The following DCBLD1 variants were observed in gnomAD, a reference collection of about 807,000 sequenced individuals.
DCBLD1 encodes the protein discoidin, CUB and LCCL domain containing 1.
In DCBLD1, 57 loss-of-function variants were observed where a neutral mutation model predicts 71.5. The observed-to-expected ratio is 0.80, with a 90% CI of 0.64 to 0.99. The LOEUF is 0.99. Among genes scored for constraint, DCBLD1 ranks in the 50% least tolerant of loss-of-function variants. The probability of loss-of-function intolerance (pLI) is 0.00; values close to 1 mark genes in which losing one functional copy is unlikely to be tolerated. For synonymous variants in DCBLD1, 380 were observed against 363.8 expected (o/e 1.04, Z -0.51); for missense variants, 891 against 923.5 (o/e 0.96, Z 0.46).
rs1034131574 is a variant in DCBLD1 at position 117,549,316 on chromosome 6, A to G, written c.*877A>G. On this transcript the variant is annotated 3_prime_UTR_variant, in exon 15 of 15. Transcript: ENST00000338728. ...CGTGACTTCCGCTGTCCTCTGAAAA[A>G]CAAAGTTATTTGGAACATGTTCATG... 2.9e-5 allele frequency: 29 copies of G among 985,276 alleles called. No individual in the cohort carries two copies. The African/African-American group carries it at 4.5e-4, about 15-fold the overall frequency. 61.0% of individuals were successfully genotyped at this position (985,276 alleles called of 1,614,324 possible).
chr6:117,491,884 G>A (rs572688284), intron 1 of DCBLD1, among the ~76,000 whole-genome samples: 1 of 152,252 alleles, frequency 6.6e-6, no homozygotes, highest in Non-Finnish European at 1.5e-5. Flanking sequence ...CTGTATTTCT[G>A]TATAAGCCCG....
At chr6:117,504,323 G>A (rs193016170) in intron 2 of DCBLD1, among the ~76,000 whole-genome samples, 208 of 152,270 alleles carry the variant, frequency 1.4e-3, no homozygotes, top group South Asian at 1.9e-3. Context: ...CATGTTTCAG[G>A]TACTCTGTCA....
At chr6:117,494,534 A>T (rs918764782) in intron 1 of DCBLD1, among the ~76,000 whole-genome samples, 2 of 152,134 alleles carry the variant, frequency 1.3e-5, no homozygotes, top group African/African-American at 4.8e-5. Context: ...TATTCTAAGC[A>T]TCTATTCAAC....
intron 1 of DCBLD1, among the ~76,000 whole-genome samples, chr6:117,487,947 T>A (rs1469570129): frequency 6.6e-6 from 1 of 152,218 alleles, no homozygotes; most frequent in Non-Finnish European, 1.5e-5. Flanking sequence ...AGACTTAGTT[T>A]ATGGGAAAAA....
chr6:117,538,534 A>G, intron 7 of DCBLD1, 86 bp from the exon 8 acceptor site: 1 of 1,250,828 alleles, frequency 8.0e-7, no homozygotes, highest in Non-Finnish European at 1.1e-6. Context: ...CTAGTTGAAT[A>G]TTTCTAGGTG....
At chr6:117,482,948 A>T in intron 1 of DCBLD1, 55 bp downstream of exon 1, 1 of 1,123,418 alleles carries the variant, frequency 8.9e-7, no homozygotes. Flanking sequence ...GGGCGGGCTG[A>T]GGGCTGCGGG....
At chr6:117,538,084 A>T (rs1433371838) in intron 7 of DCBLD1, among the ~76,000 whole-genome samples, 1 of 152,256 alleles carries the variant, frequency 6.6e-6, no homozygotes, top group Admixed American at 6.5e-5. Context: ...CAAGGAAAAC[A>T]CTACAAATAT....
At chr6:117,488,877 C>G (rs1216536802) in intron 1 of DCBLD1, among the ~76,000 whole-genome samples, 1 of 151,832 alleles carries the variant, frequency 6.6e-6, no homozygotes, top group Non-Finnish European at 1.5e-5. Flanking sequence ...TTTGTGACAT[C>G]AGCACTGTGT....
intron 14 of DCBLD1, among the ~76,000 whole-genome samples, chr6:117,566,445 A>C (rs1456566333): frequency 1.3e-5 from 2 of 152,208 alleles, no homozygotes; most frequent in Non-Finnish European, 2.9e-5. Flanking sequence ...TAGCAATCAT[A>C]AGGTGACAGT....
intron 12 of DCBLD1, 63 bp downstream of exon 12, chr6:117,543,274 G>C: frequency 5.6e-6 from 8 of 1,437,910 alleles, no homozygotes; most frequent in Non-Finnish European, 7.8e-6. Flanking sequence ...AAACCAAAAA[G>C]TTTATTCTTC....
At chr6:117,504,457 A>G (rs570786215) in intron 2 of DCBLD1, among the ~76,000 whole-genome samples, 1 of 152,306 alleles carries the variant, frequency 6.6e-6, no homozygotes, top group African/African-American at 2.4e-5. Context: ...GAAAAGGAAT[A>G]ATGAAAACGA....
At chr6:117,541,903 G>A (rs1779108882) in intron 11 of DCBLD1, among the ~76,000 whole-genome samples, 1 of 152,100 alleles carries the variant, frequency 6.6e-6, no homozygotes, top group African/African-American at 2.4e-5. Context: ...TGTCTTTATA[G>A]TATTTTTTCA....
Position 117,543,211 on chromosome 6 carries a change from AGTATG to A in DCBLD1, c.1445+3_1445+7del. ...ATGGGGATCTTTGCAGCCTTTAGAA[AGTATG>A]GTGACTTTACATGTTTAAATTTCTT... On this transcript the variant is annotated splice_donor_variant and splice_donor_5th_base_variant and intron_variant, in intron 12 of 14. Coordinates refer to ENST00000338728, the MANE Select transcript of DCBLD1 (RefSeq NM_001366458.2). LOFTEE classifies it high-confidence loss of function. 1 of 1,613,868 alleles carries A rather than the reference AGTATG, an allele frequency of 6.2e-7. No individual in the cohort carries two copies. The highest frequency in any genetic ancestry group is 8.5e-7 in the Non-Finnish European group (1 of 1,179,790).
At chr6:117,511,348 G>C (rs1376176665) in intron 2 of DCBLD1, among the ~76,000 whole-genome samples, 1 of 152,176 alleles carries the variant, frequency 6.6e-6, no homozygotes, top group Non-Finnish European at 1.5e-5. Context: ...AGGCATGGTG[G>C]CCAGTGATAG....
chr6:117,550,287 C>T (rs1379060896), downstream of DCBLD1, among the ~76,000 whole-genome samples: 1 of 152,072 alleles, frequency 6.6e-6, no homozygotes, highest in African/African-American at 2.4e-5. Context: ...AGGGTAGACT[C>T]TGTAGAACAG....
At chr6:117,518,607 G>A (rs566279309) in intron 2 of DCBLD1, among the ~76,000 whole-genome samples, 2 of 152,172 alleles carry the variant, frequency 1.3e-5, no homozygotes, top group Admixed American at 6.5e-5. Context: ...GTCCCACATG[G>A]CTAGGAAAGC....
intron 1 of DCBLD1, among the ~76,000 whole-genome samples, chr6:117,497,353 C>A (rs527891102): frequency 6.6e-6 from 1 of 152,180 alleles, no homozygotes; most frequent in East Asian, 1.9e-4. Flanking sequence ...TTTTGCTTTT[C>A]TTTTAGTGGA....
At position 117,546,310 on chromosome 6, in the gene DCBLD1, T is replaced by C. The variant is rs143845725; in HGVS notation, c.1615+713T>C. Among the ~76,000 whole-genome samples, 396 of 152,314 alleles carry C rather than the reference T, an allele frequency of 2.6e-3. 1 individual carries two copies. Among genetic ancestry groups the C allele is most frequent in the African/African-American group, 9.1e-3 (378 of 41,572 alleles). On this transcript the variant is annotated intron_variant, in intron 14 of 14. Transcript: ENST00000338728. ...AACAGCTCTCAGATACATAGGACTC[T>C]GTGGGGCATGCTCTGAGTAGCACTG...
chr6:117,504,046 G>C lies in DCBLD1; in HGVS notation c.325+67G>C. The stretch of plus-strand genomic sequence containing the variant: ...TGATATTTGCAGAGAAGGGCAAGTG[G>C]TGTGTTAATTAACGCTATATCATGA... On this transcript the variant is annotated intron_variant, in intron 2 of 14. Coordinates refer to ENST00000338728, the MANE Select transcript of DCBLD1 (RefSeq NM_001366458.2). The C allele has an allele frequency of 5.2e-6, 8 of 1,531,772 alleles. No individual in the cohort carries two copies. In the South Asian group the frequency reaches 9.1e-5, roughly 17 times the overall value. The allele number at this position is 1,531,772 out of a possible 1,614,324, so 94.9% of individuals were successfully genotyped here.
Sources: gnomAD v4.1 joint callset for allele counts (sites outside exome capture counted in the v4.1 genomes callset) on GRCh38, gnomAD v4.1.1 for gene constraint, MANE v1.5 for transcripts, NCBI Gene and HGNC (gene_info 2026-07-23, HGNC 2026-07-21) for gene names.